GATB: variants seen among roughly 807,000 people sequenced by gnomAD.
GATB encodes glutamyl-tRNA(Gln) amidotransferase subunit B, mitochondrial.
Under a neutral mutation model 62.3 loss-of-function variants are expected in GATB, and 39 were observed. The ratio of observed to expected loss-of-function variants is 0.63; its 90% CI spans 0.48 to 0.82. The LOEUF is 0.82. Ranked by LOEUF, GATB falls within the 40% of genes least tolerant of loss-of-function variation. The pLI, the probability that GATB is intolerant of heterozygous loss-of-function variation, is 0.00. For missense variants in GATB, 670 were observed against 684.0 expected, an observed-to-expected ratio of 0.98 and a Z score of 0.23; for synonymous variants, 276 against 258.9, an observed-to-expected ratio of 1.07 and a Z score of -0.63.
intron 10 of GATB, 99 bp downstream of exon 10, chr4:151,688,531 G>T: frequency 8.7e-7 from 1 of 1,153,836 alleles, no homozygotes; most frequent in South Asian, 1.5e-5. Flanking sequence ...GATATCCTGA[G>T]GGAGAACAGC....
At chr4:151,723,693 A>G (rs1289179156) in intron 2 of GATB, 3 of 152,166 alleles carry the variant, frequency 2.0e-5, no homozygotes, top group Non-Finnish European at 4.4e-5. Flanking sequence ...GTGACCCTAC[A>G]TGTTTTCTCA....
chr4:151,691,067 G>A lies in GATB; in HGVS notation c.1198-2304C>T, dbSNP rs531747211. Reference sequence around the variant, plus strand: ...TGGCAAATGCTAATAAGCTTGGCACGAATCTCAGAGTCTCTGGTGAACATG... The same window carrying A: ...TGGCAAATGCTAATAAGCTTGGCACAAATCTCAGAGTCTCTGGTGAACATG... On this transcript the variant is annotated intron_variant, in intron 9 of 12. Coordinates refer to ENST00000263985, the MANE Select transcript of GATB (RefSeq NM_004564.3). Among the ~76,000 whole-genome samples the A allele has an allele frequency of 7.9e-5, 12 of 152,290 alleles. No homozygotes were observed. The South Asian group carries it at 2.3e-3, about 29-fold the overall frequency.
intron 2 of GATB, among the ~76,000 whole-genome samples, chr4:151,732,452 TC>T (rs1739288209): frequency 6.6e-6 from 1 of 152,134 alleles, no homozygotes; most frequent in African/African-American, 2.4e-5. Flanking sequence ...ATGTGCTGTG[TC>T]CACTCAGGGT....
intron 6 of GATB, among the ~76,000 whole-genome samples, chr4:151,707,160 C>T (rs1408883629): frequency 6.6e-6 from 1 of 152,168 alleles, no homozygotes; most frequent in Non-Finnish European, 1.5e-5. Context: ...AAATGAACAA[C>T]CATGACCTAG....
chr4:151,748,153 GA>G (rs1001480580), intron 2 of GATB, among the ~76,000 whole-genome samples: 1 of 152,086 alleles, frequency 6.6e-6, no homozygotes, highest in Non-Finnish European at 1.5e-5. Context: ...CATAGAACTG[GA>G]AAAAACTACT....
At chr4:151,688,579 T>A (rs1738298755) in intron 10 of GATB, 51 bp downstream of exon 10, 1 of 1,564,790 alleles carries the variant, frequency 6.4e-7, no homozygotes, top group African/African-American at 1.4e-5. Flanking sequence ...TTCCAGCACT[T>A]CTGGACAGAG....
intron 9 of GATB, among the ~76,000 whole-genome samples, chr4:151,692,233 A>G (rs1383890057): frequency 6.6e-6 from 1 of 152,214 alleles, no homozygotes. Context: ...AGAGAGCACT[A>G]GAACTAGGAC....
intron 11 of GATB, among the ~76,000 whole-genome samples, chr4:151,679,075 T>C (rs1188098221): frequency 1.3e-5 from 2 of 152,190 alleles, no homozygotes; most frequent in Non-Finnish European, 2.9e-5. Flanking sequence ...TCTGTATTTT[T>C]AGTAGAGACG....
At chr4:151,671,661 A>ATCAGTGAGGACACCTCTCTGATTC (rs1471482199) in intron 12 of GATB, among the ~76,000 whole-genome samples, 6 of 152,138 alleles carry the variant, frequency 3.9e-5, no homozygotes, top group Admixed American at 3.9e-4. Context: ...ACTGCGTCTA[A>ATCAGTGAGGACACCTCTCTGATTC]TCAGTGAGGA....
intron 1 of GATB, among the ~76,000 whole-genome samples, chr4:151,759,223 A>T (rs1475376280): frequency 6.6e-6 from 1 of 152,212 alleles, no homozygotes; most frequent in Non-Finnish European, 1.5e-5. Context: ...CAATTTAGAA[A>T]TGGGTATCAG....
chr4:151,714,683 TCA>T (rs1353851460), intron 5 of GATB, among the ~76,000 whole-genome samples: 1 of 152,200 alleles, frequency 6.6e-6, no homozygotes, highest in East Asian at 1.9e-4. Context: ...TTGGTAGGAA[TCA>T]CAGTTATTTT....
intron 11 of GATB, among the ~76,000 whole-genome samples, chr4:151,678,268 T>C (rs934801594): frequency 6.6e-6 from 1 of 152,218 alleles, no homozygotes; most frequent in Non-Finnish European, 1.5e-5. Context: ...AAAGCGTCCC[T>C]ACATCTGAAC....
chr4:151,735,539 C>T (rs1295667029), intron 2 of GATB, among the ~76,000 whole-genome samples: 1 of 151,572 alleles, frequency 6.6e-6, no homozygotes, highest in African/African-American at 2.4e-5. Context: ...ATGGAGATTC[C>T]TTAAAGAACT....
chr4:151,719,693 T>G, intron 2 of GATB, 155 bp from the exon 3 acceptor site: 1 of 506,176 alleles, frequency 2.0e-6, no homozygotes, highest in Non-Finnish European at 3.4e-6. Flanking sequence ...AAGCCGAGTC[T>G]GTTTGCCTGG....
At chr4:151,729,229 T>G (rs1446544067) in intron 2 of GATB, among the ~76,000 whole-genome samples, 1 of 151,626 alleles carries the variant, frequency 6.6e-6, no homozygotes, top group Non-Finnish European at 1.5e-5. Context: ...GCTTTAGGAG[T>G]AGATAGTAAG....
At position 151,716,910 on chromosome 4, in the gene GATB, C is replaced by T; in HGVS notation, c.606G>A (p.Leu202=). The T allele has an allele frequency of 6.2e-7, 1 of 1,614,238 alleles. No homozygotes were observed. The highest frequency in any genetic ancestry group is 8.5e-7 in the Non-Finnish European group (1 of 1,180,046). ...QDSGKSLHDN[L]RSQTLIDLNR... ...TCAAATCAATGAGCGTCTGAGACCT[C>T]AGGTTGTCGTGGAGGCTTTTGCCAC... Residue 202 remains leucine, a synonymous_variant, in exon 4 of 13, where the codon CTG becomes CTA. Coordinates refer to ENST00000263985, the MANE Select transcript of GATB (RefSeq NM_004564.3).
At chr4:151,710,159 T>A (rs28417319) in intron 5 of GATB, among the ~76,000 whole-genome samples, 20,488 of 152,132 alleles carry the variant, frequency 0.13, 1,562 homozygotes, top group African/African-American at 0.21. Flanking sequence ...ACCATAGTCT[T>A]CTGTGCACTG....
At position 151,670,654 on chromosome 4, in the gene GATB, T is replaced by G. The variant is rs1448734282; in HGVS notation, c.*520A>C. On this transcript the variant is annotated 3_prime_UTR_variant, in exon 13 of 13. Transcript: ENST00000263985. ...TGAGACCTCCTTAAACAAACAAATGTGTTTATACTGTGCCAGTTTATTTGG... is the reference window on the plus strand; with the variant it reads ...TGAGACCTCCTTAAACAAACAAATGGGTTTATACTGTGCCAGTTTATTTGG... 2 of 152,786 alleles carry G rather than the reference T, an allele frequency of 1.3e-5. No individual in the cohort carries two copies. Among genetic ancestry groups the G allele is most frequent in the Non-Finnish European group, 2.9e-5 (2 of 68,464 alleles). 9.5% of individuals were successfully genotyped at this position (152,786 alleles called of 1,614,324 possible).
At chr4:151,696,090 G>A (rs1316416208) in intron 9 of GATB, among the ~76,000 whole-genome samples, 1 of 152,060 alleles carries the variant, frequency 6.6e-6, no homozygotes, top group Non-Finnish European at 1.5e-5. Flanking sequence ...ACTTCCCAAC[G>A]ATTCAGACAG....
Sources: allele counts gnomAD v4.1 joint callset (sites outside exome capture counted in the v4.1 genomes callset), GRCh38; gene constraint gnomAD v4.1.1; transcripts MANE v1.5; gene names NCBI Gene and HGNC (gene_info 2026-07-23, HGNC 2026-07-21).